Variants in ATP11A observed in about 807,000 individuals in gnomAD.
The protein encoded by ATP11A is ATPase phospholipid transporting 11A.
ATP11A carries 81 observed loss-of-function variants against 154.4 expected under a neutral mutation model. The observed-to-expected ratio is 0.52, with a 90% CI of 0.44 to 0.63. ATP11A has a LOEUF of 0.63. Ranked by LOEUF, ATP11A falls within the 30% of genes least tolerant of loss-of-function variation. ATP11A has a pLI of 0.00. For synonymous variants in ATP11A, 623 were observed against 585.9 expected, an observed-to-expected ratio of 1.06 and a Z score of -0.91; for missense variants, 1,316 against 1,474.3, an observed-to-expected ratio of 0.89 and a Z score of 1.76.
intron 15 of ATP11A, among the ~76,000 whole-genome samples, chr13:112,835,896 G>A (rs1470169670): frequency 6.6e-6 from 1 of 152,238 alleles, no homozygotes; most frequent in Admixed American, 6.5e-5. Context: ...AGCCTGCTTG[G>A]CAGAATCTGA....
rs1482764705 is a variant in ATP11A at position 112,734,442 on chromosome 13, TC to T, written c.39+43988del. On this transcript the variant is annotated intron_variant, in intron 1 of 29. Transcript: ENST00000375645. ...TTTAAGACAGGAGTGAAATTTCTTGTCTTTATTTCTAATTTGCAAACTGGAA... is the reference window on the plus strand; with the variant it reads ...TTTAAGACAGGAGTGAAATTTCTTGTTTTATTTCTAATTTGCAAACTGGAA... Among the ~76,000 whole-genome samples the T allele has an allele frequency of 3.3e-5, 5 of 152,268 alleles. No individual in the cohort carries two copies. The East Asian group carries it at 9.7e-4, about 29-fold the overall frequency.
intron 19 of ATP11A, among the ~76,000 whole-genome samples, chr13:112,855,311 C>T (rs11843581): frequency 1.3e-5 from 2 of 152,172 alleles, no homozygotes; most frequent in Non-Finnish European, 2.9e-5. Context: ...AAACAATTCT[C>T]CTGCCTCAGC....
chr13:112,720,858 A>G (rs1201187917), intron 1 of ATP11A, among the ~76,000 whole-genome samples: 1 of 152,200 alleles, frequency 6.6e-6, no homozygotes, highest in African/African-American at 2.4e-5. Flanking sequence ...CTTTGACATC[A>G]GTACCTAAAA....
At chr13:112,714,004 A>C (rs1166132829) in intron 1 of ATP11A, among the ~76,000 whole-genome samples, 10 of 21,796 alleles carry the variant, frequency 4.6e-4, no homozygotes, top group African/African-American at 7.1e-4. Context: ...TCTCCCTTCC[A>C]CTCCCCCCCA....
chr13:112,819,273 CG>C, intron 6 of ATP11A, 30 bp from the exon 7 acceptor site: 1 of 1,589,026 alleles, frequency 6.3e-7, no homozygotes, highest in Non-Finnish European at 8.6e-7. Context: ...ACCGTTTTGG[CG>C]GTGAGCTCAC....
intron 1 of ATP11A, among the ~76,000 whole-genome samples, chr13:112,751,733 C>A (rs2076696937): frequency 6.6e-6 from 1 of 151,498 alleles, no homozygotes; most frequent in African/African-American, 2.4e-5. Context: ...CAGATAATCC[C>A]CCCCCCCTTT....
At chr13:112,789,573 T>C (rs2077776245) in intron 2 of ATP11A, among the ~76,000 whole-genome samples, 1 of 150,962 alleles carries the variant, frequency 6.6e-6, no homozygotes, top group Non-Finnish European at 1.5e-5. Flanking sequence ...ACCTACTTAA[T>C]TCACACCGGT....
chr13:112,761,087 G>A (rs1594584965), intron 1 of ATP11A, among the ~76,000 whole-genome samples: 1 of 152,116 alleles, frequency 6.6e-6, no homozygotes, highest in African/African-American at 2.4e-5. Context: ...CCCTCCCTTC[G>A]TCCAGCGTCT....
chr13:112,765,372 G>GC (rs2077051592), intron 1 of ATP11A, among the ~76,000 whole-genome samples: 1 of 152,058 alleles, frequency 6.6e-6, no homozygotes, highest in Non-Finnish European at 1.5e-5. Context: ...GTCCTGGCCT[G>GC]GGGGGGTCGT....
chr13:112,864,081 C>T lies in ATP11A; in HGVS notation c.2991+1506C>T, dbSNP rs534603175. On this transcript the variant is annotated intron_variant, in intron 25 of 29. Coordinates refer to ENST00000375645, the MANE Select transcript of ATP11A (RefSeq NM_015205.3). ...GCACAGTAATTCAGTGCAGGCCATG[C>T]AGCTTCTCAGCGGGGTCCATCACCA... Among the ~76,000 whole-genome samples, 6 of 87,512 alleles carry T rather than the reference C, an allele frequency of 6.9e-5. 3 individuals are homozygous for T. Among genetic ancestry groups the T allele is most frequent in the South Asian group, 7.9e-4 (2 of 2,516 alleles). The allele number at this position is 87,512 out of a possible 152,430, so 57.4% of individuals were successfully genotyped here.
intron 17 of ATP11A, 68 bp from the exon 18 acceptor site, chr13:112,850,969 C>T: frequency 5.4e-6 from 8 of 1,470,010 alleles, no homozygotes; most frequent in Non-Finnish European, 6.6e-6. Context: ...ACTGGGAAGG[C>T]CGTGGAGCGT....
chr13:112,738,669 C>T (rs954537147), intron 1 of ATP11A, among the ~76,000 whole-genome samples: 4 of 152,148 alleles, frequency 2.6e-5, no homozygotes, highest in African/African-American at 4.8e-5. Flanking sequence ...AGTTCTAGCC[C>T]CTCTGACCCT....
chr13:112,770,044 T>C (rs2077190344), intron 1 of ATP11A, among the ~76,000 whole-genome samples: 1 of 152,232 alleles, frequency 6.6e-6, no homozygotes, highest in South Asian at 2.1e-4. Flanking sequence ...CCCCCAATCC[T>C]GGACGTGCTG....
At chr13:112,710,264 A>G (rs1038717027) in intron 1 of ATP11A, among the ~76,000 whole-genome samples, 9 of 152,226 alleles carry the variant, frequency 5.9e-5, no homozygotes, top group African/African-American at 2.2e-4. Flanking sequence ...CTTTCTCACA[A>G]AGAATGCATC....
At chr13:112,756,003 A>G (rs428260) in intron 1 of ATP11A, among the ~76,000 whole-genome samples, 4,196 of 50,214 alleles carry the variant, frequency 0.084, 1 homozygote, top group Middle Eastern at 0.15. Flanking sequence ...GGTCACGGAA[A>G]CGGCACTCAG....
intron 1 of ATP11A, among the ~76,000 whole-genome samples, chr13:112,755,502 A>G (rs1479990446): frequency 4.6e-5 from 7 of 152,222 alleles, no homozygotes; most frequent in Non-Finnish European, 1.0e-4. Context: ...CTTGCATGTA[A>G]AATTGACACA....
intron 1 of ATP11A, among the ~76,000 whole-genome samples, chr13:112,709,754 T>TA (rs1237901366): frequency 1.3e-5 from 2 of 152,212 alleles, no homozygotes; most frequent in Non-Finnish European, 1.5e-5. Flanking sequence ...CTAAAATGTA[T>TA]AAAACCAAGC....
rs1253090279 is a variant in ATP11A at position 112,807,731 on chromosome 13, C to T, written c.333+1438C>T. Among the ~76,000 whole-genome samples, 1 of 152,114 alleles carries T rather than the reference C, an allele frequency of 6.6e-6. No homozygotes were observed. The highest frequency in any genetic ancestry group is 1.5e-5 in the Non-Finnish European group (1 of 68,022). ...AAAGTCACAGTTTCCAGGAACCCAT[C>T]GTGGAGATTAGGTGAGGGCGTCCCG... On this transcript the variant is annotated intron_variant, in intron 4 of 29. Transcript: ENST00000375645. This position sits in a 1 kb window ranked among gnomAD's most constrained non-coding sequence, Gnocchi z 4.5.
intron 1 of ATP11A, among the ~76,000 whole-genome samples, chr13:112,736,218 A>G (rs1890990145): frequency 6.6e-6 from 1 of 152,074 alleles, no homozygotes; most frequent in Non-Finnish European, 1.5e-5. Context: ...ACATGTTTTA[A>G]CTTTGGCACG....
Sources: gnomAD v4.1 joint callset for allele counts (sites outside exome capture counted in the v4.1 genomes callset) on GRCh38, gnomAD v4.1.1 for gene constraint, Gnocchi (gnomAD v3.1) non-coding constraint, MANE v1.5 for transcripts, NCBI Gene and HGNC (gene_info 2026-07-23, HGNC 2026-07-21) for gene names.